GPC6: variants seen among roughly 807,000 people sequenced by gnomAD.
GPC6 encodes the protein glypican 6, also known as glypican-6.
GPC6 carries 14 observed loss-of-function variants against 55.2 expected under a neutral mutation model. The ratio of observed to expected loss-of-function variants is 0.25; its 90% CI spans 0.17 to 0.40. The LOEUF (loss-of-function observed/expected upper bound fraction) is 0.40, where lower values mean the gene tolerates loss of function less well. Among genes scored for constraint, GPC6 ranks in the 10% least tolerant of loss-of-function variants. The probability of loss-of-function intolerance (pLI) is 1.00; values close to 1 mark genes in which losing one functional copy is unlikely to be tolerated. For missense variants in GPC6, 641 were observed against 708.5 expected (o/e 0.90, Z 1.08); for synonymous variants, 278 against 259.6 (o/e 1.07, Z -0.68).
chr13:93,806,105 A>G (rs905742588), intron 2 of GPC6, among the ~76,000 whole-genome samples: 1 of 152,202 alleles, frequency 6.6e-6, no homozygotes, highest in African/African-American at 2.4e-5. Context: ...ATTTTGAATA[A>G]GAATGCTTTT....
intron 2 of GPC6, among the ~76,000 whole-genome samples, chr13:93,821,733 C>T (rs1039255977): frequency 1.3e-5 from 2 of 152,022 alleles, no homozygotes; most frequent in South Asian, 4.2e-4. Flanking sequence ...TTTGTTCTTC[C>T]TCAGTTTCTC....
chr13:94,113,914 TG>T (rs1000862792), intron 4 of GPC6, among the ~76,000 whole-genome samples: 7 of 150,016 alleles, frequency 4.7e-5, no homozygotes, highest in Non-Finnish European at 8.9e-5. Flanking sequence ...CCCAGCTACT[TG>T]GAAGGCTGAG....
At chr13:94,368,837 G>T (rs147615584) in intron 6 of GPC6, among the ~76,000 whole-genome samples, 8 of 152,306 alleles carry the variant, frequency 5.3e-5, no homozygotes, top group Non-Finnish European at 1.0e-4. Context: ...ATGATTTGGT[G>T]CTGTCAGAAA....
intron 2 of GPC6, among the ~76,000 whole-genome samples, chr13:93,814,926 C>T (rs1039487982): frequency 2.0e-5 from 3 of 151,986 alleles, no homozygotes; most frequent in Non-Finnish European, 2.9e-5. Flanking sequence ...GAGGGAGTCA[C>T]GTTTACAACA....
At chr13:93,325,532 A>G (rs759649892) in intron 1 of GPC6, among the ~76,000 whole-genome samples, 1 of 152,142 alleles carries the variant, frequency 6.6e-6, no homozygotes, top group Non-Finnish European at 1.5e-5. Flanking sequence ...AGCAGTGGCC[A>G]TTCTAAGGTG....
intron 1 of GPC6, among the ~76,000 whole-genome samples, chr13:93,304,313 G>C (rs540423595): frequency 4.1e-4 from 62 of 152,316 alleles, no homozygotes; most frequent in African/African-American, 1.4e-3. Context: ...AAGGCTGTGA[G>C]GCATAGTCAG....
intron 1 of GPC6, among the ~76,000 whole-genome samples, chr13:93,501,854 T>C (rs1286072057): frequency 6.6e-6 from 1 of 152,102 alleles, no homozygotes; most frequent in Non-Finnish European, 1.5e-5. Flanking sequence ...TACTTAACCA[T>C]AGTAGTAGTC....
chr13:93,875,904 G>A (rs1028283592), intron 3 of GPC6, among the ~76,000 whole-genome samples: 7 of 152,130 alleles, frequency 4.6e-5, no homozygotes, highest in South Asian at 4.1e-4. Flanking sequence ...GAAGGCTGGT[G>A]TCAAAATTAA....
At chr13:93,288,526 T>A (rs1388621660) in intron 1 of GPC6, among the ~76,000 whole-genome samples, 1 of 152,186 alleles carries the variant, frequency 6.6e-6, no homozygotes, top group African/African-American at 2.4e-5. Context: ...AGAATATTTT[T>A]AAGAGAGATT....
intron 6 of GPC6, among the ~76,000 whole-genome samples, chr13:94,327,054 G>A (rs1393034567): frequency 6.6e-6 from 1 of 152,296 alleles, no homozygotes; most frequent in African/African-American, 2.4e-5. Flanking sequence ...GCACCAACAT[G>A]AGACAGCAAA....
chr13:93,348,010 C>T (rs566366186), intron 1 of GPC6, among the ~76,000 whole-genome samples: 7 of 152,264 alleles, frequency 4.6e-5, no homozygotes, highest in African/African-American at 1.4e-4. Flanking sequence ...GTTTTAAAGC[C>T]CCTTGACAGT....
At chr13:94,261,111 T>TA (rs549976034) in intron 4 of GPC6, among the ~76,000 whole-genome samples, 1 of 152,096 alleles carries the variant, frequency 6.6e-6, no homozygotes, top group East Asian at 1.9e-4. Flanking sequence ...CCATGTCTAC[T>TA]AAAAATACAA....
intron 4 of GPC6, among the ~76,000 whole-genome samples, chr13:94,129,686 C>T (rs184835099): frequency 1.3e-5 from 2 of 152,202 alleles, no homozygotes; most frequent in East Asian, 3.9e-4. Context: ...CTCAACTCTT[C>T]TGTCCCCTGT....
At chr13:93,252,310 G>T (rs1360140332) in intron 1 of GPC6, among the ~76,000 whole-genome samples, 1 of 152,108 alleles carries the variant, frequency 6.6e-6, no homozygotes, top group East Asian at 1.9e-4. Flanking sequence ...AACATGGTTT[G>T]ACATTCAATA....
intron 4 of GPC6, among the ~76,000 whole-genome samples, chr13:94,064,901 T>A (rs1884462362): frequency 6.6e-6 from 1 of 152,208 alleles, no homozygotes; most frequent in Non-Finnish European, 1.5e-5. Flanking sequence ...CTCATTCTGC[T>A]ATGTATTCTT....
chr13:93,382,051 A>C (rs1481296175), intron 1 of GPC6, among the ~76,000 whole-genome samples: 1 of 152,164 alleles, frequency 6.6e-6, no homozygotes, highest in Non-Finnish European at 1.5e-5. Flanking sequence ...AGATATTTTG[A>C]GATCTTATTA....
intron 2 of GPC6, among the ~76,000 whole-genome samples, chr13:93,580,564 G>T (rs1215756589): frequency 6.6e-6 from 1 of 152,020 alleles, no homozygotes; most frequent in Non-Finnish European, 1.5e-5. Context: ...CCTATTATGT[G>T]CCACGTGCTA....
rs141248502 is a variant in GPC6 at position 94,050,606 on chromosome 13, C to T, written c.877+22712C>T. ...GGCACAGAGAATGTGCACCAATAGA[C>T]GTTATTGCTAGACTCAGACTTCTGG... On this transcript the variant is annotated intron_variant, in intron 4 of 8. Transcript: ENST00000377047. Among the ~76,000 whole-genome samples the T allele has an allele frequency of 3.7e-4, 57 of 152,236 alleles. No homozygotes were observed. The East Asian group carries it at 8.7e-3, about 23-fold the overall frequency.
At chr13:93,317,367 G>T (rs1879281435) in intron 1 of GPC6, among the ~76,000 whole-genome samples, 2 of 152,080 alleles carry the variant, frequency 1.3e-5, no homozygotes, top group Admixed American at 1.3e-4. Flanking sequence ...CCAGAGATTT[G>T]ACGAAAGCTC....
Sources: allele counts gnomAD v4.1 joint callset (sites outside exome capture counted in the v4.1 genomes callset), GRCh38; gene constraint gnomAD v4.1.1; transcripts MANE v1.5; gene names NCBI Gene and HGNC (gene_info 2026-07-23, HGNC 2026-07-21).